LIN54: variants seen among roughly 807,000 people sequenced by gnomAD.
LIN54 encodes protein lin-54 homolog.
Under a neutral mutation model 78.7 loss-of-function variants are expected in LIN54, and 9 were observed. That is an observed-to-expected ratio of 0.11 (90% CI 0.07 to 0.20). The LOEUF is 0.20. Ranked by LOEUF, LIN54 falls within the 10% of genes least tolerant of loss-of-function variation. The pLI is 1.00. For synonymous variants in LIN54, 269 were observed against 318.4 expected, an observed-to-expected ratio of 0.84 and a Z score of 1.65; for missense variants, 573 against 889.9, an observed-to-expected ratio of 0.64 and a Z score of 4.53.
At chr4:82,981,315 T>C (rs545258278) in intron 2 of LIN54, among the ~76,000 whole-genome samples, 2 of 152,204 alleles carry the variant, frequency 1.3e-5, no homozygotes, top group Non-Finnish European at 2.9e-5. Context: ...AAAGTGTTTA[T>C]ATATCTGTTA....
intron 4 of LIN54, among the ~76,000 whole-genome samples, chr4:82,962,343 G>A (rs1055634330): frequency 1.3e-5 from 2 of 152,082 alleles, no homozygotes; most frequent in African/African-American, 4.8e-5. Context: ...CACTGACCTG[G>A]ATTCACTCTT....
At chr4:82,985,108 C>T (rs1238448702) in intron 1 of LIN54, among the ~76,000 whole-genome samples, 1 of 152,200 alleles carries the variant, frequency 6.6e-6, no homozygotes, top group Admixed American at 6.5e-5. Flanking sequence ...TTCTTACTCT[C>T]GTCTCAATCC....
In LIN54 at chr4:82,984,470, A is replaced by G; in HGVS notation, c.375T>C (p.Asp125=). ...TAAGGGTCTGATTGCCAAGTTTAAG[A>G]TCAGATGTCTGTGATACTTTGTTTA... ...IILNKVSQTS[D]LKLGNQTLKP... is the part of the protein sequence containing the mutation. The change falls in exon 2 of 13, where the codon GAT becomes GAC. Residue 125 remains aspartate (D), a synonymous_variant. Coordinates refer to ENST00000340417, the MANE Select transcript of LIN54 (RefSeq NM_194282.4). The G allele has an allele frequency of 1.2e-6, 2 of 1,614,224 alleles. No homozygotes were observed. The highest frequency in any genetic ancestry group is 1.7e-6 in the Non-Finnish European group (2 of 1,180,038).
At chr4:82,994,588 C>T (rs1199892344) in intron 1 of LIN54, among the ~76,000 whole-genome samples, 1 of 151,892 alleles carries the variant, frequency 6.6e-6, no homozygotes, top group Non-Finnish European at 1.5e-5. Flanking sequence ...TTAGTAGAGA[C>T]AGGGTTTCAC....
chr4:82,976,447 T>G (rs925102518), intron 3 of LIN54, among the ~76,000 whole-genome samples: 2 of 151,306 alleles, frequency 1.3e-5, no homozygotes, highest in Non-Finnish European at 2.9e-5. Flanking sequence ...CAGTGGCTCA[T>G]GCCTGTAGTC....
chr4:82,942,774 G>A (rs766317924), intron 5 of LIN54, among the ~76,000 whole-genome samples: 2 of 151,910 alleles, frequency 1.3e-5, no homozygotes, highest in African/African-American at 4.8e-5. Flanking sequence ...AACTGGGAAG[G>A]AGAGTGACCT....
chr4:82,955,804 A>T (rs1724281170), intron 4 of LIN54, among the ~76,000 whole-genome samples: 2 of 152,040 alleles, frequency 1.3e-5, no homozygotes, highest in Non-Finnish European at 2.9e-5. Context: ...TTTTCCCAAA[A>T]GTGTCCCTAT....
intron 9 of LIN54, among the ~76,000 whole-genome samples, chr4:82,936,916 G>T (rs539094643): frequency 6.6e-6 from 1 of 152,218 alleles, no homozygotes; most frequent in South Asian, 2.1e-4. Flanking sequence ...TCACTTAGGA[G>T]ACCAAATACA....
chr4:82,955,114 G>A (rs1724180235), intron 4 of LIN54, among the ~76,000 whole-genome samples: 1 of 152,214 alleles, frequency 6.6e-6, no homozygotes, highest in African/African-American at 2.4e-5. Context: ...GCTCACGCCT[G>A]TAATCCTAGC....
At chr4:82,975,187 TTC>T (rs1260921698) in intron 3 of LIN54, among the ~76,000 whole-genome samples, 1 of 147,618 alleles carries the variant, frequency 6.8e-6, no homozygotes, top group Non-Finnish European at 1.5e-5. Context: ...GTGAAACCCC[TTC>T]TCTACTAAAA....
intron 1 of LIN54, 110 bp from the exon 2 acceptor site, chr4:82,984,986 T>C: frequency 5.8e-6 from 4 of 685,014 alleles, no homozygotes; most frequent in Non-Finnish European, 9.7e-6. Context: ...TGATATATAA[T>C]TGAATGAAGA....
At chr4:82,932,494 A>G (rs1380248897) in intron 11 of LIN54, among the ~76,000 whole-genome samples, 1 of 151,638 alleles carries the variant, frequency 6.6e-6, no homozygotes, top group African/African-American at 2.4e-5. Context: ...GCTTTCCCAC[A>G]TTCCCTCCAA....
intron 1 of LIN54, among the ~76,000 whole-genome samples, chr4:83,004,636 G>C (rs1011812248): frequency 1.4e-5 from 2 of 143,420 alleles, no homozygotes; most frequent in East Asian, 3.9e-4. Context: ...ACTACAGAAC[G>C]AGCACAAGCC....
At chr4:82,955,306 A>G (rs10049577) in intron 4 of LIN54, among the ~76,000 whole-genome samples, 149,003 of 152,088 alleles carry the variant, frequency 0.98, 73,069 homozygotes, top group East Asian at 1. Flanking sequence ...GGAGGTTGCA[A>G]TGAGTCGAGA....
intron 4 of LIN54, among the ~76,000 whole-genome samples, chr4:82,947,249 T>TTTTTG (rs1560733614): frequency 7.2e-6 from 1 of 138,802 alleles, no homozygotes; most frequent in Non-Finnish European, 1.5e-5. Flanking sequence ...TTTTTTTTTT[T>TTTTTG]GAAGACAGGG....
chr4:83,007,714 CCT>C (rs768171041), intron 1 of LIN54, among the ~76,000 whole-genome samples: 20 of 152,078 alleles, frequency 1.3e-4, no homozygotes, highest in Non-Finnish European at 2.1e-4. Flanking sequence ...ATGGTGAAAC[CCT>C]GTCTCTACCA....
chr4:82,928,427 A>C (rs1245731849), intron 12 of LIN54, 124 bp from the exon 13 acceptor site: 2 of 778,818 alleles, frequency 2.6e-6, no homozygotes, highest in Non-Finnish European at 4.3e-6. Context: ...TGAGCATCAC[A>C]ATTTACACAG....
At chr4:82,947,392 A>ATT in intron 4 of LIN54, among the ~76,000 whole-genome samples, 1 of 80,956 alleles carries the variant, frequency 1.2e-5, no homozygotes, top group East Asian at 3.7e-4. Context: ...CGCCCAGTTA[A>ATT]TTTGTGTGTG....
intron 4 of LIN54, among the ~76,000 whole-genome samples, chr4:82,965,753 G>A (rs947945421): frequency 1.3e-5 from 2 of 152,116 alleles, no homozygotes; most frequent in South Asian, 2.1e-4. Flanking sequence ...GATCTCAGTC[G>A]GGGTGGTTGA....
Sources: gnomAD v4.1 joint callset for allele counts (sites outside exome capture counted in the v4.1 genomes callset) on GRCh38, gnomAD v4.1.1 for gene constraint, MANE v1.5 for transcripts, NCBI Gene and HGNC (gene_info 2026-07-23, HGNC 2026-07-21) for gene names.